Variants in SIN3B observed in about 807,000 individuals in gnomAD.
SIN3B encodes the protein SIN3 transcription regulator family member B.
In SIN3B, 19 loss-of-function variants were observed where a neutral mutation model predicts 120.2. The observed-to-expected ratio is 0.16, with a 90% CI of 0.11 to 0.23. SIN3B has a LOEUF of 0.23. Among genes scored for constraint, SIN3B ranks in the 10% least tolerant of loss-of-function variants. The pLI is 1.00. For synonymous variants in SIN3B, 654 were observed against 653.2 expected (o/e 1.00, Z -0.02); for missense variants, 1,073 against 1,573.0 (o/e 0.68, Z 5.38).
rs922956814 is a variant in SIN3B, at chr19:16,872,913, C to T, written c.2592+1515C>T. On this transcript the variant is annotated intron_variant, in intron 14 of 18. Transcript: ENST00000248054. ...ACCCCCGATTCCGTCCACCTGTCTCCTGAGGACAGGCATGGGCGGTGCCCC... is the reference window on the plus strand; with the variant it reads ...ACCCCCGATTCCGTCCACCTGTCTCTTGAGGACAGGCATGGGCGGTGCCCC... Among the ~76,000 whole-genome samples the T allele has an allele frequency of 2.6e-5, 4 of 152,178 alleles. No individual in the cohort carries two copies. In the South Asian group the frequency reaches 8.3e-4, roughly 32 times the overall value.
rs746434088 is a variant in SIN3B at position 16,829,858 on chromosome 19, A to G, written c.188A>G (p.Asn63Ser). 8 of 1,613,310 alleles carry G rather than the reference A, an allele frequency of 5.0e-6. No homozygotes were observed. The change falls in exon 2 of 19, where the codon AAC becomes AGC. Residue 63 changes from asparagine (N) to serine (S), a missense_variant. This residue lies in a region of SIN3B where 395 missense variants were observed against 528.0 expected (regional missense o/e 0.75). Transcript: ENST00000248054. The part of the protein sequence containing the change: ...IRFGSDPATY[N>S]GFLEIMKEFK... ...TTTGGCAGCGACCCTGCCACCTACAACGGCTTCCTGGAGATCATGAAGGAG... is the reference window on the plus strand; with the variant it reads ...TTTGGCAGCGACCCTGCCACCTACAGCGGCTTCCTGGAGATCATGAAGGAG...
intron 14 of SIN3B, among the ~76,000 whole-genome samples, chr19:16,874,855 G>A (rs2051567405): frequency 6.6e-6 from 1 of 151,012 alleles, no homozygotes; most frequent in African/African-American, 2.4e-5. Context: ...GGTCTGGTTT[G>A]GTTTGGTTTT....
chr19:16,838,644 G>A (rs1368451594), intron 3 of SIN3B, among the ~76,000 whole-genome samples: 2 of 152,122 alleles, frequency 1.3e-5, no homozygotes, highest in African/African-American at 4.8e-5. Flanking sequence ...GAACATTCAT[G>A]TGTGAGGATG....
At chr19:16,837,003 G>T (rs533005332) in intron 3 of SIN3B, among the ~76,000 whole-genome samples, 77 of 152,250 alleles carry the variant, frequency 5.1e-4, no homozygotes, top group African/African-American at 1.8e-3. Flanking sequence ...TGGGGGGTCC[G>T]ATGAGAAACA....
chr19:16,871,803 A>G (rs1025464528), intron 14 of SIN3B, among the ~76,000 whole-genome samples: 4 of 151,284 alleles, frequency 2.6e-5, no homozygotes, highest in South Asian at 4.2e-4. Flanking sequence ...TTTTGTTTCT[A>G]TCTCTTGGTG....
Position 16,876,438 on chromosome 19 carries a change from G to T in SIN3B, c.2767-48G>T. ...TGGCCTTGCGAGCCTGCGCTGTGCC[G>T]GCTGGGCTGTGCCGGCAGTGGAGGC... On this transcript the variant is annotated intron_variant, in intron 15 of 18. Transcript: ENST00000248054. The surrounding 1 kb of genome is among the most constrained non-coding windows in gnomAD (Gnocchi z 7.1). 6.3e-7 allele frequency: 1 copy of T among 1,592,010 alleles called. No homozygotes were observed. Among genetic ancestry groups the T allele is most frequent in the Non-Finnish European group, 8.6e-7 (1 of 1,163,438 alleles).
At position 16,878,239 on chromosome 19, in the gene SIN3B, G is replaced by T. The variant is rs375234398; in HGVS notation, c.3011G>T (p.Gly1004Val). The T allele has an allele frequency of 5.6e-6, 9 of 1,599,192 alleles. No individual in the cohort carries two copies. The Admixed American group carries it at 6.9e-5, about 12-fold the overall frequency. Reference sequence around the variant, plus strand: ...AGCGAGCAGGCGCGGGCCCTGCGCGGTGAGGCCAGGAGCTCCTGGAAGCGG... The same window carrying T: ...AGCGAGCAGGCGCGGGCCCTGCGCGTTGAGGCCAGGAGCTCCTGGAAGCGG... ...WQSEQARALR[G>V]EARSSWKRLV... Residue 1004 changes from glycine (G) to valine (V), a missense_variant, in exon 18 of 19, where the codon GGT (glycine) becomes GTT (valine). By Grantham distance (109) the Gly-to-Val change is moderately radical (BLOSUM62 -3). This residue lies in a region of SIN3B where 311 missense variants were observed against 400.3 expected (regional missense o/e 0.78). Coordinates refer to ENST00000248054, the MANE Select transcript of SIN3B (RefSeq NM_001297595.2).
At chr19:16,868,932 C>T (rs1047017556) in intron 12 of SIN3B, among the ~76,000 whole-genome samples, 6 of 152,086 alleles carry the variant, frequency 3.9e-5, no homozygotes, top group Non-Finnish European at 7.4e-5. Flanking sequence ...GCAGGCCTTC[C>T]GGGTAGTAGA....
At chr19:16,854,427 G>A (rs1971585972) in intron 8 of SIN3B, 166 bp downstream of exon 8, 2 of 576,838 alleles carry the variant, frequency 3.5e-6, no homozygotes, top group South Asian at 2.1e-5. Context: ...TTTGTAAGGA[G>A]CAATACACCA....
chr19:16,848,880 C>T (rs1249863138), intron 5 of SIN3B, among the ~76,000 whole-genome samples: 1 of 152,218 alleles, frequency 6.6e-6, no homozygotes, highest in Non-Finnish European at 1.5e-5. Context: ...TCAAGCGATC[C>T]TCCCACCTTG....
At chr19:16,857,962 T>C (rs569397271) in intron 8 of SIN3B, among the ~76,000 whole-genome samples, 1 of 152,266 alleles carries the variant, frequency 6.6e-6, no homozygotes, top group East Asian at 1.9e-4. Flanking sequence ...CTGCAACCTC[T>C]GTCTCCCAGG....
chr19:16,842,392 C>T (rs982729086), intron 4 of SIN3B, among the ~76,000 whole-genome samples: 1 of 149,620 alleles, frequency 6.7e-6, no homozygotes, highest in African/African-American at 2.5e-5. Flanking sequence ...TGTGAGCCAC[C>T]GTGCCCAGCC....
rs760647715 is a variant in SIN3B at position 16,863,616 on chromosome 19, G to A, written c.1267-64G>A. On this transcript the variant is annotated intron_variant, in intron 9 of 18. Coordinates refer to ENST00000248054, the MANE Select transcript of SIN3B (RefSeq NM_001297595.2). The stretch of plus-strand genomic sequence containing the variant: ...ATGTATCTTGGTACTTTCTACACTG[G>A]CTAACAGTAAATCTTGGCTCCTGGG... 9 of 1,018,686 alleles carry A rather than the reference G, an allele frequency of 8.8e-6. No individual in the cohort carries two copies. The Admixed American group carries it at 1.2e-4, about 13-fold the overall frequency. The allele number at this position is 1,018,686 out of a possible 1,614,324, so 63.1% of individuals were successfully genotyped here. A position where few individuals can be genotyped will look rare whatever the true frequency, so the allele number is the denominator to read the frequency against.
intron 4 of SIN3B, among the ~76,000 whole-genome samples, chr19:16,843,556 C>T (rs1490763710): frequency 7.2e-5 from 11 of 152,088 alleles, no homozygotes; most frequent in Non-Finnish European, 4.4e-5. Flanking sequence ...ATCTGTGGGC[C>T]CCTCCCAGGC....
rs1243756239 is a variant in SIN3B, at chr19:16,878,700, G to T, written c.3366G>T (p.Gln1122His). The T allele has an allele frequency of 6.2e-7, 1 of 1,609,016 alleles. No individual in the cohort carries two copies. Among genetic ancestry groups the T allele is most frequent in the Non-Finnish European group, 8.5e-7 (1 of 1,178,738 alleles). ...HGLPVTRYRV[Q>H]YSRRPASP Reference sequence around the variant, plus strand: ...TGCCCGTGACCCGCTACCGCGTGCAGTACAGCCGCCGCCCGGCCTCGCCCT... The same window carrying T: ...TGCCCGTGACCCGCTACCGCGTGCATTACAGCCGCCGCCCGGCCTCGCCCT... Residue 1122 changes from glutamine to histidine, a missense_variant, in exon 19 of 19, where the codon CAG becomes CAT. Transcript: ENST00000248054.
rs997793628 is a variant in SIN3B at position 16,879,975 on chromosome 19, G to A, written c.*1248G>A. 6.6e-6 allele frequency: 1 copy of A among 152,284 alleles called. No homozygotes were observed. The highest frequency in any genetic ancestry group is 1.5e-5 in the Non-Finnish European group (1 of 68,064). 9.4% of individuals were successfully genotyped at this position (152,284 alleles called of 1,614,324 possible). ...CTAGAAGTTTCCTGTGGAACCTGGA[G>A]GCTCCTGATGCCTTTGACTCCAGGC... On this transcript the variant is annotated 3_prime_UTR_variant, in exon 19 of 19. Transcript: ENST00000248054.
At chr19:16,852,013 C>T (rs1971552523) in intron 6 of SIN3B, among the ~76,000 whole-genome samples, 1 of 152,162 alleles carries the variant, frequency 6.6e-6, no homozygotes, top group African/African-American at 2.4e-5. Context: ...CTTTGTCGTC[C>T]TCCCATTTAT....
In SIN3B at chr19:16,841,378, G is replaced by A. The variant is rs73928660; in HGVS notation, c.382-390G>A. On this transcript the variant is annotated intron_variant, in intron 3 of 18. Transcript: ENST00000248054. ...CTGCTGGCAGCAGTTGCCTTTCCAC[G>A]TGAAAGCAATCTTGCTGAAACAGAT... Among the ~76,000 whole-genome samples, 676 of 152,188 alleles carry A rather than the reference G, an allele frequency of 4.4e-3. 6 individuals are homozygous for A. Among genetic ancestry groups the A allele is most frequent in the African/African-American group, 0.015 (642 of 41,518 alleles).
intron 8 of SIN3B, among the ~76,000 whole-genome samples, chr19:16,861,136 T>C (rs529554569): frequency 2.0e-5 from 3 of 152,278 alleles, no homozygotes; most frequent in Admixed American, 6.5e-5. Flanking sequence ...ACATTATGAC[T>C]TTCAAGCTTG....
Sources: allele counts gnomAD v4.1 joint callset (sites outside exome capture counted in the v4.1 genomes callset), GRCh38; gene constraint gnomAD v4.1.1; regional missense constraint gnomAD v4.1.1; non-coding constraint Gnocchi (gnomAD v3.1); transcripts MANE v1.5; gene names NCBI Gene and HGNC (gene_info 2026-07-23, HGNC 2026-07-21).